MAEL: variants seen among roughly 807,000 people sequenced by gnomAD.
MAEL encodes the protein protein maelstrom homolog.
A neutral mutation model predicts 62.0 loss-of-function variants in MAEL; 46 were observed. That is an observed-to-expected ratio of 0.74 (90% CI 0.59 to 0.95). MAEL has a LOEUF of 0.95. Among genes scored for constraint, MAEL ranks in the 40% least tolerant of loss-of-function variants. MAEL has a pLI of 0.00. For synonymous variants in MAEL, 172 were observed against 175.5 expected (o/e 0.98, Z 0.16); for missense variants, 497 against 526.8 (o/e 0.94, Z 0.55).
intron 3 of MAEL, 37 bp from the exon 4 acceptor site, chr1:166,992,649 A>C (rs982514491): frequency 1.4e-6 from 2 of 1,463,626 alleles, no homozygotes; most frequent in African/African-American, 2.9e-5. Flanking sequence ...AATTTGAGAC[A>C]TTCATTTATT....
intron 5 of MAEL, among the ~76,000 whole-genome samples, chr1:166,997,720 T>A (rs980953097): frequency 1.3e-5 from 2 of 152,214 alleles, no homozygotes; most frequent in Non-Finnish European, 2.9e-5. Flanking sequence ...TTATTTTTAA[T>A]TTGGTAAATG....
chr1:167,002,241 CAA>C (rs1664700968), intron 5 of MAEL, among the ~76,000 whole-genome samples: 1 of 152,072 alleles, frequency 6.6e-6, no homozygotes. Flanking sequence ...ATTTTATTAT[CAA>C]GTTTATTTTG....
intron 4 of MAEL, among the ~76,000 whole-genome samples, chr1:166,993,284 C>T (rs1242005774): frequency 6.6e-6 from 1 of 152,180 alleles, no homozygotes; most frequent in Non-Finnish European, 1.5e-5. Context: ...GGGATAATAT[C>T]TATTGGAGGA....
chr1:166,999,531 G>A (rs1286670388), intron 5 of MAEL, among the ~76,000 whole-genome samples: 1 of 152,228 alleles, frequency 6.6e-6, no homozygotes, highest in Non-Finnish European at 1.5e-5. Context: ...AAGGAAAGAA[G>A]CCATCTCTAT....
chr1:167,004,079 G>C, intron 5 of MAEL, 101 bp from the exon 6 acceptor site: 1 of 992,004 alleles, frequency 1.0e-6, no homozygotes, highest in Non-Finnish European at 1.5e-6. Context: ...GTACTTAACT[G>C]TGTGTTACCC....
chr1:167,004,172 T>C lies in MAEL; in HGVS notation c.524-8T>C. 6.2e-7 allele frequency: 1 copy of C among 1,600,554 alleles called. No individual in the cohort carries two copies. ...AAAGTTTGAACTTCTCCTTTTTATT[T>C]CCCTCAGGTGATTCTAGTCACAAGA... On this transcript the variant is annotated splice_region_variant and splice_polypyrimidine_tract_variant and intron_variant, in intron 5 of 11. Transcript: ENST00000367872.
intron 6 of MAEL, 115 bp downstream of exon 6, chr1:167,004,419 C>A: frequency 1.1e-6 from 1 of 902,752 alleles, no homozygotes; most frequent in Non-Finnish European, 1.6e-6. Flanking sequence ...TCTTAAAACA[C>A]ACTCATTTTG....
At position 166,994,035 on chromosome 1, in the gene MAEL, T is replaced by G. The variant is rs1011381223; in HGVS notation, c.489T>G (p.Ile163Met). The stretch of plus-strand genomic sequence containing the variant: ...AGATATTTTGTATTATAGGTGAAAT[T>G]CCACGAGGATTTCGATTTCATTGTC... Reference protein sequence around the residue: ...DFHSFINPGEIPRGFRFHCQA... With the variant: ...DFHSFINPGEMPRGFRFHCQA... Residue 163 changes from isoleucine (I) to methionine (M), a missense_variant, in exon 5 of 12, where the codon ATT (isoleucine) becomes ATG (methionine). Coordinates refer to ENST00000367872, the MANE Select transcript of MAEL (RefSeq NM_032858.3). 2 of 1,613,080 alleles carry G rather than the reference T, an allele frequency of 1.2e-6. No individual in the cohort carries two copies. Among genetic ancestry groups the G allele is most frequent in the South Asian group, 2.2e-5 (2 of 90,862 alleles).
chr1:167,010,592 T>C (rs1476467245), intron 8 of MAEL, among the ~76,000 whole-genome samples: 2 of 152,052 alleles, frequency 1.3e-5, no homozygotes, highest in Non-Finnish European at 2.9e-5. Context: ...ACTACAGGCA[T>C]GTGCCACCAT....
chr1:166,987,848 C>A (rs1372842315), upstream of MAEL, among the ~76,000 whole-genome samples: 1 of 152,004 alleles, frequency 6.6e-6, no homozygotes, highest in Non-Finnish European at 1.5e-5. Context: ...TAGATAATTC[C>A]CATCTATTAT....
upstream of MAEL, among the ~76,000 whole-genome samples, chr1:166,984,545 T>C (rs1023890398): frequency 2.6e-5 from 4 of 152,126 alleles, no homozygotes; most frequent in Non-Finnish European, 5.9e-5. Context: ...TATCTGTCAA[T>C]TAAAAATAAA....
intron 8 of MAEL, among the ~76,000 whole-genome samples, chr1:167,007,708 C>T (rs1477453088): frequency 6.6e-6 from 1 of 151,840 alleles, no homozygotes; most frequent in African/African-American, 2.4e-5. Flanking sequence ...CAATCCAATA[C>T]CATAGAGTTC....
chr1:166,999,449 G>A (rs746795982), intron 5 of MAEL, among the ~76,000 whole-genome samples: 3 of 152,202 alleles, frequency 2.0e-5, no homozygotes, highest in Non-Finnish European at 2.9e-5. Context: ...CTTCAATTCT[G>A]TGAAAGCCGA....
intron 10 of MAEL, among the ~76,000 whole-genome samples, chr1:167,018,780 T>G (rs1665499975): frequency 6.6e-6 from 1 of 152,144 alleles, no homozygotes; most frequent in African/African-American, 2.4e-5. Context: ...TATGATTCCA[T>G]TCATATGACA....
At position 167,022,054 on chromosome 1, in the gene MAEL, G is replaced by A. The variant is rs1665657748; in HGVS notation, c.*199G>A. On this transcript the variant is annotated 3_prime_UTR_variant, in exon 12 of 12. Transcript: ENST00000367872. ...TTTGTGCTTTTTTTCTTGAGGGATT[G>A]TTCTGCTTCCTGGCTGTATGATGGG... is the stretch of plus-strand genomic sequence containing the variant. 2 of 506,764 alleles carry A rather than the reference G, an allele frequency of 3.9e-6. No homozygotes were observed. Among genetic ancestry groups the A allele is most frequent in the Admixed American group, 3.8e-5 (1 of 26,608 alleles). 31.4% of individuals were successfully genotyped at this position (506,764 alleles called of 1,614,324 possible). A position where few individuals can be genotyped will look rare whatever the true frequency, so the allele number is the denominator to read the frequency against.
chr1:167,001,665 A>G (rs895987635), intron 5 of MAEL, among the ~76,000 whole-genome samples: 20 of 152,282 alleles, frequency 1.3e-4, no homozygotes, highest in African/African-American at 4.3e-4. Flanking sequence ...CTGGAACTGA[A>G]CCCACAGCAT....
intron 8 of MAEL, among the ~76,000 whole-genome samples, chr1:167,008,492 GCT>G (rs1477036100): frequency 4.0e-5 from 6 of 151,722 alleles, no homozygotes; most frequent in Non-Finnish European, 5.9e-5. Flanking sequence ...GTATATTTGT[GCT>G]CTCTCATTTT....
At chr1:166,989,591 A>C in intron 1 of MAEL, 107 bp downstream of exon 1, 1 of 1,486,820 alleles carries the variant, frequency 6.7e-7, no homozygotes. Context: ...TGGCCCTGCC[A>C]GAGGAAGAGG....
In MAEL at chr1:167,021,989, C is replaced by T. The variant is rs1665654869; in HGVS notation, c.*134C>T. On this transcript the variant is annotated 3_prime_UTR_variant, in exon 12 of 12. Coordinates refer to ENST00000367872, the MANE Select transcript of MAEL (RefSeq NM_032858.3). The stretch of plus-strand genomic sequence containing the variant: ...TACTTAATTTGTAAGGAAATTGTTT[C>T]ATAGATTTAAAAAAATTGTGGTTGG... 3.2e-6 allele frequency: 2 copies of T among 632,330 alleles called. No homozygotes were observed. The highest frequency in any genetic ancestry group is 5.1e-6 in the Non-Finnish European group (2 of 394,088). 39.2% of individuals were successfully genotyped at this position (632,330 alleles called of 1,614,324 possible). A position where few individuals can be genotyped will look rare whatever the true frequency, so the allele number is the denominator to read the frequency against.
Sources: gnomAD v4.1 joint callset for allele counts (sites outside exome capture counted in the v4.1 genomes callset) on GRCh38, gnomAD v4.1.1 for gene constraint, MANE v1.5 for transcripts, NCBI Gene and HGNC (gene_info 2026-07-23, HGNC 2026-07-21) for gene names.